ABHD12: variants seen among roughly 807,000 people sequenced by gnomAD.
The protein encoded by ABHD12 is abhydrolase domain containing 12, lysophospholipase, also known as lysophosphatidylserine lipase ABHD12.
ABHD12 carries 43 observed loss-of-function variants against 58.3 expected under a neutral mutation model. The ratio of observed to expected loss-of-function variants is 0.74; its 90% CI spans 0.58 to 0.95. The LOEUF is 0.95. Among genes scored for constraint, ABHD12 ranks in the 40% least tolerant of loss-of-function variants. The pLI is 0.00. For synonymous variants in ABHD12, 219 were observed against 211.2 expected, an observed-to-expected ratio of 1.04 and a Z score of -0.32; for missense variants, 539 against 537.2, an observed-to-expected ratio of 1.00 and a Z score of -0.03.
intron 1 of ABHD12, among the ~76,000 whole-genome samples, chr20:25,361,978 A>G (rs1295719233): frequency 1.3e-5 from 2 of 151,650 alleles, no homozygotes; most frequent in East Asian, 3.9e-4. Context: ...ACAAAAAAAG[A>G]AAAGAAAATC....
intron 1 of ABHD12, 70 bp downstream of exon 1, chr20:25,390,443 C>T (rs887307002): frequency 3.0e-6 from 4 of 1,342,216 alleles, no homozygotes; most frequent in South Asian, 1.7e-5. Context: ...ACCGCGGCCC[C>T]CTGCGGGACG....
At chr20:25,302,400 C>A in intron 11 of ABHD12, 54 bp from the exon 12 acceptor site, 1 of 1,608,314 alleles carries the variant, frequency 6.2e-7, no homozygotes, top group East Asian at 2.2e-5. Context: ...GGGGTCCCAG[C>A]CTGAGGAACA....
intron 9 of ABHD12, 145 bp from the exon 10 acceptor site, chr20:25,307,060 G>A (rs2145929140): frequency 1.5e-6 from 1 of 685,510 alleles, no homozygotes; most frequent in South Asian, 1.5e-5. Context: ...ACATTGCCAA[G>A]GGGCCACCAG....
chr20:25,361,771 C>T (rs181010289), intron 1 of ABHD12, among the ~76,000 whole-genome samples: 66 of 151,672 alleles, frequency 4.4e-4, no homozygotes, highest in South Asian at 8.4e-4. Flanking sequence ...CTGGCTAACA[C>T]GGTGAAACCT....
At chr20:25,295,458 C>G, downstream of ABHD12, 1 of 858,304 alleles carries the variant, frequency 1.2e-6, no homozygotes, top group Non-Finnish European at 1.9e-6. Context: ...TGCAGCCTGG[C>G]TCTGACCAGC....
At chr20:25,367,100 A>G (rs2089832585) in intron 1 of ABHD12, among the ~76,000 whole-genome samples, 1 of 152,208 alleles carries the variant, frequency 6.6e-6, no homozygotes, top group Non-Finnish European at 1.5e-5. Context: ...TAATCTGAGG[A>G]ATGTTTTTTG....
At chr20:25,337,016 C>T (rs921025175) in intron 2 of ABHD12, among the ~76,000 whole-genome samples, 36 of 152,298 alleles carry the variant, frequency 2.4e-4, no homozygotes, top group African/African-American at 8.4e-4. Flanking sequence ...AATCCCAGCA[C>T]GTTGGGAGGC....
chr20:25,297,966 C>T (rs2088576197), downstream of ABHD12: 1 of 152,282 alleles, frequency 6.6e-6, no homozygotes, highest in South Asian at 2.1e-4. Context: ...TTGTTACTGC[C>T]TTGTGAGATA....
intron 11 of ABHD12, among the ~76,000 whole-genome samples, chr20:25,302,596 G>C (rs2088658076): frequency 6.6e-6 from 1 of 152,180 alleles, no homozygotes. Context: ...CCTTCCTCTG[G>C]GGAGTGGCTA....
chr20:25,377,056 G>A (rs2089970377), intron 1 of ABHD12, among the ~76,000 whole-genome samples: 2 of 152,202 alleles, frequency 1.3e-5, no homozygotes, highest in Admixed American at 6.5e-5. Flanking sequence ...GCTTCCCTGG[G>A]CCCTGGCAGA....
chr20:25,388,664 GTC>G (rs781196702), intron 1 of ABHD12, among the ~76,000 whole-genome samples: 2 of 152,074 alleles, frequency 1.3e-5, no homozygotes, highest in South Asian at 2.1e-4. Context: ...CCACTGGAAT[GTC>G]TCTCTTTGTC....
chr20:25,320,150 A>T, intron 4 of ABHD12, 49 bp downstream of exon 4: 1 of 1,609,724 alleles, frequency 6.2e-7, no homozygotes. Flanking sequence ...TTCCCACCCC[A>T]AAAAGGAGCC....
At chr20:25,330,296 A>G (rs895715863) in intron 2 of ABHD12, among the ~76,000 whole-genome samples, 5 of 152,216 alleles carry the variant, frequency 3.3e-5, no homozygotes, top group East Asian at 1.9e-4. Context: ...TATCCCGCAC[A>G]TGGCTCGGAG....
Position 25,375,105 on chromosome 20 carries a change from A to T in ABHD12, c.191+15408T>A, listed in dbSNP as rs2089946443. Reference sequence around the variant, plus strand: ...AGAAGAAATGCAGAAAGAGCCACACACAGAGGTTAGACCATATGAAGACAC... The same window carrying T: ...AGAAGAAATGCAGAAAGAGCCACACTCAGAGGTTAGACCATATGAAGACAC... On this transcript the variant is annotated intron_variant, in intron 1 of 12. Transcript: ENST00000339157. Among the ~76,000 whole-genome samples, 4 of 152,210 alleles carry T rather than the reference A, an allele frequency of 2.6e-5. No homozygotes were observed. The South Asian group carries it at 8.3e-4, about 31-fold the overall frequency.
intron 1 of ABHD12, among the ~76,000 whole-genome samples, chr20:25,365,933 A>G (rs1000076128): frequency 8.5e-5 from 13 of 152,090 alleles, no homozygotes; most frequent in African/African-American, 3.1e-4. Context: ...CCAGCTACTC[A>G]GGAGGCTGAG....
intron 1 of ABHD12, among the ~76,000 whole-genome samples, chr20:25,383,904 G>A (rs1252523655): frequency 2.8e-5 from 4 of 142,014 alleles, no homozygotes; most frequent in Non-Finnish European, 6.0e-5. Context: ...GCAGTGAGCC[G>A]AGATCACGCC....
chr20:25,373,063 C>T (rs2089918247), intron 1 of ABHD12, among the ~76,000 whole-genome samples: 2 of 152,186 alleles, frequency 1.3e-5, no homozygotes, highest in Admixed American at 1.3e-4. Context: ...GGTTTGCAGC[C>T]TAGGAGCAAT....
downstream of ABHD12, among the ~76,000 whole-genome samples, chr20:25,299,242 C>A (rs6115135): frequency 0.22 from 34,118 of 151,708 alleles, 4,316 homozygotes; most frequent in East Asian, 0.57. Flanking sequence ...ACAAAACATA[C>A]AAGAATTAGC....
rs1186320614 is a variant in ABHD12, at chr20:25,331,971, T to C, written c.316+7256A>G. ...CATATAACAATATTAACTTTGAATG[T>C]AAATGGACTAAATGCTCCAATTAAA... is the stretch of plus-strand genomic sequence containing the variant. On this transcript the variant is annotated intron_variant, in intron 2 of 12. Coordinates refer to ENST00000339157, the MANE Select transcript of ABHD12 (RefSeq NM_001042472.3). Among the ~76,000 whole-genome samples, 8 of 152,268 alleles carry C rather than the reference T, an allele frequency of 5.3e-5. No individual in the cohort carries two copies. In the East Asian group the frequency reaches 1.5e-3, roughly 29 times the overall value.
Sources: allele counts gnomAD v4.1 joint callset (sites outside exome capture counted in the v4.1 genomes callset), GRCh38; gene constraint gnomAD v4.1.1; transcripts MANE v1.5; gene names NCBI Gene and HGNC (gene_info 2026-07-23, HGNC 2026-07-21).